Variants in RAET1E observed in about 807,000 individuals in gnomAD.
RAET1E encodes NKG2D ligand 4.
Under a neutral mutation model 21.1 loss-of-function variants are expected in RAET1E, and 27 were observed. The ratio of observed to expected loss-of-function variants is 1.28; its 90% CI spans 0.94 to 1.76. RAET1E has a LOEUF of 1.76. Ranked by LOEUF, RAET1E falls within the 40% of genes most tolerant of loss-of-function variation. The probability of loss-of-function intolerance (pLI) is 0.00; values close to 1 mark genes in which losing one functional copy is unlikely to be tolerated. For missense variants in RAET1E, 310 were observed against 311.3 expected (o/e 1.00, Z 0.03); for synonymous variants, 113 against 115.0 (o/e 0.98, Z 0.11).
chr6:149,890,375 T>C (rs2115508201), intron 3 of RAET1E, among the ~76,000 whole-genome samples: 1 of 152,264 alleles, frequency 6.6e-6, no homozygotes, highest in Non-Finnish European at 1.5e-5. Flanking sequence ...GTTAATGGTG[T>C]TAACAGGAGG....
chr6:149,897,348 A>C (rs1233787303), intron 1 of RAET1E, among the ~76,000 whole-genome samples: 2 of 152,164 alleles, frequency 1.3e-5, no homozygotes, highest in East Asian at 1.9e-4. Context: ...ATGGAATTTT[A>C]ATTGAAGTAA....
rs1777866458 is a variant in RAET1E, at chr6:149,890,923, G to A, written c.-22C>T. On this transcript the variant is annotated 5_prime_UTR_variant, in exon 3 of 6. Transcript: ENST00000357183. ...GCATACTGTGGAGAGTAACAGGCAG[G>A]AAGCTGGGCGTGTACACATTCACCC... is the stretch of plus-strand genomic sequence containing the variant. 1 of 1,536,578 alleles carries A rather than the reference G, an allele frequency of 6.5e-7. No individual in the cohort carries two copies.
rs769148088 is a variant in RAET1E, at chr6:149,887,607, TACATCAGAA to T, written c.*882_*890del. 6.6e-6 allele frequency among the ~76,000 whole-genome samples: 1 copy of T among 152,214 alleles called. No individual in the cohort carries two copies. Among genetic ancestry groups the T allele is most frequent in the Non-Finnish European group, 1.5e-5 (1 of 68,050 alleles). ...CAATGAAAAGGGTAGAATCATTTCT[TACATCAGAA>T]ACATTGATCCTCAGTGAGTCAGATG... On this transcript the variant is annotated 3_prime_UTR_variant, in exon 6 of 6. Transcript: ENST00000357183.
chr6:149,886,451 A>G lies in RAET1E; in HGVS notation c.*2047T>C, dbSNP rs761187471. Among the ~76,000 whole-genome samples, 1 of 152,148 alleles carries G rather than the reference A, an allele frequency of 6.6e-6. No individual in the cohort carries two copies. The highest frequency in any genetic ancestry group is 2.4e-5 in the African/African-American group (1 of 41,440). The stretch of plus-strand genomic sequence containing the variant: ...ACTCTGTCACCCAGGCTGGAGTGCA[A>G]TGGCGCAATATCAGCTCACTGCAAA... On this transcript the variant is annotated 3_prime_UTR_variant, in exon 6 of 6. Coordinates refer to ENST00000357183, the MANE Select transcript of RAET1E (RefSeq NM_001394057.1).
At chr6:149,889,068 G>A in intron 5 of RAET1E, 1 of 1,383,968 alleles carries the variant, frequency 7.2e-7, no homozygotes, top group African/African-American at 1.4e-5. Flanking sequence ...CTGGATGTTT[G>A]CAATGACACA....
In RAET1E at chr6:149,891,484, T is replaced by TTGTGTGTGTGTGTGTGTG. The variant is rs58899076; in HGVS notation, c.-133-468_-133-451dup. On this transcript the variant is annotated intron_variant, in intron 2 of 5. Coordinates refer to ENST00000357183, the MANE Select transcript of RAET1E (RefSeq NM_001394057.1). Reference sequence around the variant, plus strand: ...AGTGGTCTACCATGACAGATGGGTTTTGTGTGTGTGTGTGTGTGTGTAATT... The same window carrying TTGTGTGTGTGTGTGTGTG: ...AGTGGTCTACCATGACAGATGGGTTTTGTGTGTGTGTGTGTGTGTGTGTGTGTGTGTGTGTGTGTAATT... 3.5e-3 allele frequency among the ~76,000 whole-genome samples: 521 copies of TTGTGTGTGTGTGTGTGTG among 149,908 alleles called. 4 individuals are homozygous for TTGTGTGTGTGTGTGTGTG. The highest frequency in any genetic ancestry group is 0.013 in the African/African-American group (509 of 40,120).
At chr6:149,896,860 T>A (rs1351112484) in intron 1 of RAET1E, among the ~76,000 whole-genome samples, 3 of 151,590 alleles carry the variant, frequency 2.0e-5, no homozygotes, top group African/African-American at 7.3e-5. Context: ...CTGGGAAAAA[T>A]ATACAGAAAG....
chr6:149,892,947 A>G (rs1777969420), intron 2 of RAET1E, among the ~76,000 whole-genome samples: 1 of 152,174 alleles, frequency 6.6e-6, no homozygotes, highest in African/African-American at 2.4e-5. Flanking sequence ...TCCCAACACC[A>G]TTTATTAAAC....
At position 149,888,425 on chromosome 6, in the gene RAET1E, G is replaced by A; in HGVS notation, c.*73C>T. The A allele has an allele frequency of 6.4e-7, 1 of 1,552,966 alleles. No individual in the cohort carries two copies. Among genetic ancestry groups the A allele is most frequent in the South Asian group, 1.2e-5 (1 of 84,834 alleles). On this transcript the variant is annotated 3_prime_UTR_variant, in exon 6 of 6. Coordinates refer to ENST00000357183, the MANE Select transcript of RAET1E (RefSeq NM_001394057.1). Reference sequence around the variant, plus strand: ...AAGACTAAGGCAGTGCACCATTTCTGTGGAGAGAGATGGATCAGGGAGCGG... The same window carrying A: ...AAGACTAAGGCAGTGCACCATTTCTATGGAGAGAGATGGATCAGGGAGCGG...
At chr6:149,895,647 A>C (rs1778087487) in intron 2 of RAET1E, 199 bp downstream of exon 2, 5 of 152,122 alleles carry the variant, frequency 3.3e-5, no homozygotes, top group Admixed American at 3.3e-4. Flanking sequence ...AATTCTGAAA[A>C]TTTTTCTTAG....
chr6:149,897,296 A>G (rs1778153322), intron 1 of RAET1E, among the ~76,000 whole-genome samples: 1 of 152,134 alleles, frequency 6.6e-6, no homozygotes, highest in Non-Finnish European at 1.5e-5. Context: ...CAGCCTCCCA[A>G]AGTGTTGGGA....
intron 5 of RAET1E, 108 bp from the exon 6 acceptor site, chr6:149,888,775 G>T: frequency 7.0e-7 from 1 of 1,435,880 alleles, no homozygotes; most frequent in Non-Finnish European, 9.2e-7. Flanking sequence ...AACACATGGT[G>T]CCCCACATAA....
chr6:149,895,368 G>T (rs565257143), intron 2 of RAET1E: 1 of 152,454 alleles, frequency 6.6e-6, no homozygotes, highest in African/African-American at 2.4e-5. Flanking sequence ...TGGGGCTGCT[G>T]CCTTGTTTAC....
chr6:149,886,867 A>T lies in RAET1E; in HGVS notation c.*1631T>A, dbSNP rs1362392302. On this transcript the variant is annotated 3_prime_UTR_variant, in exon 6 of 6. Coordinates refer to ENST00000357183, the MANE Select transcript of RAET1E (RefSeq NM_001394057.1). The stretch of plus-strand genomic sequence containing the variant: ...GAAATGCCAGAGACAACAAAATAGG[A>T]ATGTGTCATGGGCACACAAAGCTCT... Among the ~76,000 whole-genome samples, 1 of 152,248 alleles carries T rather than the reference A, an allele frequency of 6.6e-6. No individual in the cohort carries two copies. The highest frequency in any genetic ancestry group is 1.5e-5 in the Non-Finnish European group (1 of 68,044).
rs1054770531 is a variant in RAET1E at position 149,888,610 on chromosome 6, C to T, written c.680G>A (p.Trp227Ter). The T allele has an allele frequency of 1.2e-5, 20 of 1,606,694 alleles. No individual in the cohort carries two copies. The highest frequency in any genetic ancestry group is 1.7e-5 in the Non-Finnish European group (20 of 1,178,744). ...HWSSSSLPDR[W>*]IILGAFILLV... ...CAGGATGAATGCCCCCAGGATGATCCATCTATCTGGTAGACTAGAAGAAGA... is the reference window on the plus strand; with the variant it reads ...CAGGATGAATGCCCCCAGGATGATCTATCTATCTGGTAGACTAGAAGAAGA... Residue 227 changes from tryptophan to a stop codon, truncating the protein, a stop_gained, in exon 6 of 6, where the codon TGG (tryptophan) becomes TAG (stop). Coordinates refer to ENST00000357183, the MANE Select transcript of RAET1E (RefSeq NM_001394057.1). LOFTEE classifies it low-confidence loss of function (END_TRUNC).
rs544065595 is a variant in RAET1E at position 149,885,329 on chromosome 6, C to T, written c.*3169G>A. ...CCACTTGCAAAGCAGAGACAGTCCC[C>T]GAGACTCATTCAGCCTTTGCCTTTC... On this transcript the variant is annotated 3_prime_UTR_variant, in exon 6 of 6. Coordinates refer to ENST00000357183, the MANE Select transcript of RAET1E (RefSeq NM_001394057.1). 5.7e-4 allele frequency among the ~76,000 whole-genome samples: 87 copies of T among 152,306 alleles called. No homozygotes were observed. The highest frequency in any genetic ancestry group is 1.9e-3 in the African/African-American group (80 of 41,582).
Position 149,890,926 on chromosome 6 carries a change from G to C in RAET1E, c.-25C>G. 6.5e-7 allele frequency: 1 copy of C among 1,529,940 alleles called. No homozygotes were observed. The highest frequency in any genetic ancestry group is 1.4e-5 in the African/African-American group (1 of 72,810). The allele number at this position is 1,529,940 out of a possible 1,614,324, so 94.8% of individuals were successfully genotyped here. A position where few individuals can be genotyped will look rare whatever the true frequency, so the allele number is the denominator to read the frequency against. On this transcript the variant is annotated 5_prime_UTR_variant, in exon 3 of 6. Coordinates refer to ENST00000357183, the MANE Select transcript of RAET1E (RefSeq NM_001394057.1). ...TACTGTGGAGAGTAACAGGCAGGAA[G>C]CTGGGCGTGTACACATTCACCCTCA...
At chr6:149,890,320 G>T (rs1777832010) in intron 3 of RAET1E, among the ~76,000 whole-genome samples, 175 bp from the exon 4 acceptor site, 1 of 152,122 alleles carries the variant, frequency 6.6e-6, no homozygotes, top group Non-Finnish European at 1.5e-5. Flanking sequence ...GACTGTCTGG[G>T]ATGAGATACT....
In RAET1E at chr6:149,888,684, A is replaced by AG. The variant is rs775112225; in HGVS notation, c.623-18_623-17insC. 3.1e-5 allele frequency: 48 copies of AG among 1,554,838 alleles called. No homozygotes were observed. Among genetic ancestry groups the AG allele is most frequent in the Middle Eastern group, 1.9e-4 (1 of 5,352 alleles). On this transcript the variant is annotated splice_polypyrimidine_tract_variant and intron_variant, in intron 5 of 5. Coordinates refer to ENST00000357183, the MANE Select transcript of RAET1E (RefSeq NM_001394057.1). ...CTGGTGACACTAAAAAAAAAAAAAAAAAGAAAAAAAAGCACAAGCCCTGTC... is the reference window on the plus strand; with the variant it reads ...CTGGTGACACTAAAAAAAAAAAAAAAGAAGAAAAAAAAGCACAAGCCCTGTC...
Sources: allele counts gnomAD v4.1 joint callset (sites outside exome capture counted in the v4.1 genomes callset), GRCh38; gene constraint gnomAD v4.1.1; transcripts MANE v1.5; gene names NCBI Gene and HGNC (gene_info 2026-07-23, HGNC 2026-07-21).